FER: variants seen among roughly 807,000 people sequenced by gnomAD.
FER encodes the protein tyrosine-protein kinase Fer.
Under a neutral mutation model 111.0 loss-of-function variants are expected in FER, and 63 were observed. The ratio of observed to expected loss-of-function variants is 0.57; its 90% confidence interval spans 0.46 to 0.70. FER has a LOEUF of 0.70. Among genes scored for constraint, FER ranks in the 30% least tolerant of loss-of-function variants. The pLI is 0.00. For missense variants in FER, 914 were observed against 954.0 expected (o/e 0.96, Z 0.55); for synonymous variants, 327 against 313.9 (o/e 1.04, Z -0.44).
intron 10 of FER, among the ~76,000 whole-genome samples, chr5:108,920,855 T>G (rs1752927338): frequency 6.6e-6 from 1 of 152,164 alleles, no homozygotes; most frequent in Admixed American, 6.5e-5. Flanking sequence ...AATGAAATTC[T>G]AATCCTCACC....
chr5:108,855,972 T>C (rs1419860199), intron 5 of FER, among the ~76,000 whole-genome samples: 1 of 151,474 alleles, frequency 6.6e-6, no homozygotes, highest in Admixed American at 6.6e-5. Flanking sequence ...GATTGGGAGC[T>C]ATTACAGCTT....
chr5:108,807,991 A>T (rs1757374566), intron 3 of FER, among the ~76,000 whole-genome samples: 2 of 144,756 alleles, frequency 1.4e-5, no homozygotes, highest in South Asian at 4.5e-4. Context: ...TGTTGGTATG[A>T]TTTAGTTTTT....
intron 17 of FER, among the ~76,000 whole-genome samples, chr5:109,173,299 C>T (rs532437947): frequency 1.3e-5 from 2 of 152,278 alleles, no homozygotes; most frequent in South Asian, 4.1e-4. Context: ...TTTTGTGTTC[C>T]AGCCATTAGG....
At chr5:108,923,927 C>A (rs1032700989) in intron 10 of FER, among the ~76,000 whole-genome samples, 3 of 152,096 alleles carry the variant, frequency 2.0e-5, no homozygotes, top group Admixed American at 6.5e-5. Flanking sequence ...TGTAGCACAG[C>A]TATCTGCAAG....
At chr5:108,992,244 G>C (rs965215723) in intron 13 of FER, among the ~76,000 whole-genome samples, 3 of 152,232 alleles carry the variant, frequency 2.0e-5, no homozygotes, top group Non-Finnish European at 4.4e-5. Context: ...TTCTAGTACA[G>C]AACAAAATGA....
rs1458609433 is a variant in FER at position 108,993,628 on chromosome 5, CGAGGGT to C, written c.1656+34287_1656+34292del. Among the ~76,000 whole-genome samples the C allele has an allele frequency of 6.2e-4, 69 of 111,608 alleles. 1 individual carries two copies. Among genetic ancestry groups the C allele is most frequent in the African/African-American group, 1.8e-3 (51 of 28,812 alleles). The allele number at this position is 111,608 out of a possible 152,430, so 73.2% of individuals were successfully genotyped here. On this transcript the variant is annotated intron_variant, in intron 13 of 19. Coordinates refer to ENST00000281092, the MANE Select transcript of FER (RefSeq NM_005246.4). ...GCGAGGGAGAGGGCAAGGGCGAGGG[CGAGGGT>C]GAGGGCGAGGGCGAGGGCGAGGGCG...
chr5:108,867,975 T>C, intron 6 of FER, 25 bp downstream of exon 6: 1 of 1,579,278 alleles, frequency 6.3e-7, no homozygotes, highest in Non-Finnish European at 8.6e-7. Flanking sequence ...CTTTTTATCA[T>C]AAAATCCCTT....
intron 13 of FER, among the ~76,000 whole-genome samples, chr5:108,964,670 G>C (rs1759573965): frequency 6.6e-6 from 1 of 152,082 alleles, no homozygotes; most frequent in African/African-American, 2.4e-5. Context: ...TATAATTTAA[G>C]AAATTCACAT....
intron 13 of FER, among the ~76,000 whole-genome samples, chr5:109,025,731 C>T (rs1438296815): frequency 6.6e-6 from 1 of 151,838 alleles, no homozygotes; most frequent in Non-Finnish European, 1.5e-5. Context: ...AGTTTTTGCC[C>T]ATTCAGTATG....
chr5:108,837,705 A>T (rs1351796231), intron 5 of FER, among the ~76,000 whole-genome samples: 1 of 152,134 alleles, frequency 6.6e-6, no homozygotes, highest in African/African-American at 2.4e-5. Context: ...TCTAATTCTG[A>T]TGTCAAAGTT....
intron 11 of FER, among the ~76,000 whole-genome samples, chr5:108,946,485 C>T (rs749653417): frequency 1.1e-4 from 16 of 151,802 alleles, no homozygotes; most frequent in Non-Finnish European, 1.8e-4. Flanking sequence ...GCTTCCTTTA[C>T]AATATACAAA....
At chr5:108,879,697 AAAAAAT>A (rs1419192011) in intron 8 of FER, among the ~76,000 whole-genome samples, 34 of 96,052 alleles carry the variant, frequency 3.5e-4, no homozygotes, top group Admixed American at 1.0e-3. Context: ...TTAGATTAAA[AAAAAAT>A]ATATATATAT....
chr5:108,786,235 G>GT (rs1754701805), intron 2 of FER, among the ~76,000 whole-genome samples: 1 of 152,150 alleles, frequency 6.6e-6, no homozygotes. Flanking sequence ...TCCTCCCTAT[G>GT]TTTTCTAAAG....
chr5:109,160,388 A>G (rs993064611), intron 17 of FER, among the ~76,000 whole-genome samples: 1 of 151,830 alleles, frequency 6.6e-6, no homozygotes, highest in Non-Finnish European at 1.5e-5. Context: ...TCCTTTCTCT[A>G]TTAGTATATC....
At chr5:108,977,970 C>T (rs938091389) in intron 13 of FER, among the ~76,000 whole-genome samples, 28 of 152,224 alleles carry the variant, frequency 1.8e-4, no homozygotes, top group African/African-American at 5.8e-4. Context: ...CTCAGCCTCC[C>T]GAGGTAGCTG....
chr5:109,147,043 A>T (rs1278406622), intron 17 of FER, among the ~76,000 whole-genome samples: 1 of 152,038 alleles, frequency 6.6e-6, no homozygotes, highest in African/African-American at 2.4e-5. Flanking sequence ...TTCCATTCAT[A>T]GAGATTATAA....
intron 17 of FER, among the ~76,000 whole-genome samples, chr5:109,135,245 C>T (rs1251261660): frequency 6.6e-6 from 1 of 152,076 alleles, no homozygotes; most frequent in Non-Finnish European, 1.5e-5. Flanking sequence ...GTTTTAGGCA[C>T]CTTATGTATA....
chr5:108,909,122 A>G (rs1751200823), intron 10 of FER, among the ~76,000 whole-genome samples: 2 of 152,152 alleles, frequency 1.3e-5, no homozygotes, highest in African/African-American at 2.4e-5. Context: ...TGAAGGATTT[A>G]TATGTTTTTG....
At chr5:109,080,109 C>T (rs1776823446) in intron 16 of FER, among the ~76,000 whole-genome samples, 1 of 152,048 alleles carries the variant, frequency 6.6e-6, no homozygotes, top group Non-Finnish European at 1.5e-5. Flanking sequence ...TTATACATAG[C>T]ATTTTTCTAT....
Sources: gnomAD v4.1 joint callset for allele counts (sites outside exome capture counted in the v4.1 genomes callset) on GRCh38, gnomAD v4.1.1 for gene constraint, MANE v1.5 for transcripts, NCBI Gene and HGNC (gene_info 2026-07-23, HGNC 2026-07-21) for gene names.